Variants in ENO4 observed in about 807,000 individuals in gnomAD.
The protein encoded by ENO4 is enolase 4, also known as 2-phospho-D-glycerate hydro-lyase.
ENO4 carries 53 observed loss-of-function variants against 63.2 expected under a neutral mutation model. That is an observed-to-expected ratio of 0.84 (90% CI 0.67 to 1.05). The LOEUF is 1.05. Among genes scored for constraint, ENO4 ranks in the 50% least tolerant of loss-of-function variants. ENO4 has a pLI of 0.00. For missense variants in ENO4, 719 were observed against 772.0 expected, an observed-to-expected ratio of 0.93 and a Z score of 0.81; for synonymous variants, 266 against 283.8, an observed-to-expected ratio of 0.94 and a Z score of 0.63.
At chr10:116,855,378 A>C (rs1188035934) in intron 1 of ENO4, among the ~76,000 whole-genome samples, 1 of 151,952 alleles carries the variant, frequency 6.6e-6, no homozygotes, top group Non-Finnish European at 1.5e-5. Flanking sequence ...CATACACCAA[A>C]TTGCCCCACA....
chr10:116,879,493 T>A, intron 12 of ENO4, 135 bp downstream of exon 12: 1 of 676,808 alleles, frequency 1.5e-6, no homozygotes, highest in Non-Finnish European at 2.4e-6. Flanking sequence ...GATAGCTACC[T>A]TTTGCAAAGA....
Position 116,879,931 on chromosome 10 carries a change from T to G in ENO4, c.1668T>G (p.Thr556=). ...LGGLSRGERV[T]KYNRLLTIEE... ...GTCTTTCCCGTGGTGAACGAGTGAC[T>G]AAATACAACCGCCTTCTCACTATAG... Residue 556 remains threonine (T), a synonymous_variant, in exon 13 of 14, where the codon ACT becomes ACG. Coordinates refer to ENST00000341276, the MANE Select transcript of ENO4 (RefSeq NM_001242699.2). 1 of 1,550,844 alleles carries G rather than the reference T, an allele frequency of 6.4e-7. No individual in the cohort carries two copies. The highest frequency in any genetic ancestry group is 8.7e-7 in the Non-Finnish European group (1 of 1,147,048).
intron 9 of ENO4, among the ~76,000 whole-genome samples, chr10:116,873,271 T>A (rs999436773): frequency 2.1e-4 from 32 of 152,202 alleles, no homozygotes; most frequent in African/African-American, 7.2e-4. Context: ...TTAATTCCAA[T>A]GGAATCCATT....
At chr10:116,865,513 C>A (rs547904774) in intron 7 of ENO4, among the ~76,000 whole-genome samples, 1 of 152,288 alleles carries the variant, frequency 6.6e-6, no homozygotes, top group East Asian at 1.9e-4. Context: ...GACCTATTTT[C>A]CTGTATCATG....
At chr10:116,879,082 A>C (rs1846923369) in intron 11 of ENO4, among the ~76,000 whole-genome samples, 1 of 152,206 alleles carries the variant, frequency 6.6e-6, no homozygotes, top group Non-Finnish European at 1.5e-5. Flanking sequence ...GTATTCATTT[A>C]GTATTTACAG....
Position 116,901,662 on chromosome 10 carries a change from G to A in ENO4, c.1195-9837G>A, listed in dbSNP as rs1191088220. 3.1e-5 allele frequency: 42 copies of A among 1,354,618 alleles called. No individual in the cohort carries two copies. In the Middle Eastern group the frequency reaches 2.2e-3, roughly 73 times the overall value. The allele number at this position is 1,354,618 out of a possible 1,614,324, so 83.9% of individuals were successfully genotyped here. On this transcript the variant is annotated intron_variant, in intron 10 of 10. Transcript: ENST00000369207. ...GAAAAGAAGAAGAGAATTTACCGGCGAGCCAATCAAAATCTCTCTAAAGGA... is the reference window on the plus strand; with the variant it reads ...GAAAAGAAGAAGAGAATTTACCGGCAAGCCAATCAAAATCTCTCTAAAGGA...
intron 10 of ENO4, among the ~76,000 whole-genome samples, chr10:116,910,681 C>T (rs1458077100): frequency 6.6e-6 from 1 of 152,152 alleles, no homozygotes; most frequent in Non-Finnish European, 1.5e-5. Context: ...CATGAATTAG[C>T]ATTATAACAC....
At chr10:116,855,562 A>G in intron 1 of ENO4, 61 bp from the exon 2 acceptor site, 1 of 1,532,962 alleles carries the variant, frequency 6.5e-7, no homozygotes, top group East Asian at 2.4e-5. Context: ...TGGTATTGTG[A>G]CTTTTTTCCC....
chr10:116,876,932 C>A (rs553578579), intron 11 of ENO4, among the ~76,000 whole-genome samples: 2 of 152,042 alleles, frequency 1.3e-5, no homozygotes, highest in Admixed American at 1.3e-4. Context: ...GCCTGGGCGA[C>A]AGGGAGACTC....
intron 10 of ENO4, among the ~76,000 whole-genome samples, chr10:116,894,056 T>C (rs1847431627): frequency 6.6e-6 from 1 of 152,248 alleles, no homozygotes; most frequent in Non-Finnish European, 1.5e-5. Flanking sequence ...TCAATCTTAC[T>C]TTTAATTCAA....
At chr10:116,875,039 T>C (rs572370295) in intron 10 of ENO4, among the ~76,000 whole-genome samples, 1 of 152,280 alleles carries the variant, frequency 6.6e-6, no homozygotes, top group African/African-American at 2.4e-5. Flanking sequence ...ACTCATGCAT[T>C]TGACAAAGGC....
At chr10:116,882,818 C>T (rs1261214249), downstream of ENO4, 15 of 152,162 alleles carry the variant, frequency 9.9e-5, no homozygotes, top group Non-Finnish European at 2.2e-4. Flanking sequence ...TGGTTGGTAT[C>T]ACTCTAAGTT....
intron 7 of ENO4, among the ~76,000 whole-genome samples, chr10:116,867,744 A>C (rs762688130): frequency 4.6e-5 from 7 of 152,196 alleles, no homozygotes; most frequent in Non-Finnish European, 7.3e-5. Flanking sequence ...AAAGGGGAGA[A>C]AAACATACTT....
chr10:116,901,702 A>G (rs1847743786), intron 10 of ENO4: 1 of 1,423,686 alleles, frequency 7.0e-7, no homozygotes, highest in African/African-American at 1.5e-5. Flanking sequence ...AATCAAAGAA[A>G]CACACAAGTT....
Position 116,859,115 on chromosome 10 carries a change from C to T in ENO4, c.611C>T (p.Thr204Ile). The change falls in exon 4 of 14, where the codon ACC becomes ATC. Residue 204 changes from threonine (T) to isoleucine (I), a missense_variant. By Grantham distance (89) the Thr-to-Ile change is moderately conservative (BLOSUM62 -1). Coordinates refer to ENST00000341276, the MANE Select transcript of ENO4 (RefSeq NM_001242699.2). ...VPPPPPPPPP[T>I]KKKGQKPGRK... ...CCACCACCACCCCCTCCACCTCCTA[C>T]CAAAAAAAAGGGGCAAAAGCCAGGT... The T allele has an allele frequency of 6.6e-7, 1 of 1,507,272 alleles. No individual in the cohort carries two copies. The highest frequency in any genetic ancestry group is 8.8e-7 in the Non-Finnish European group (1 of 1,131,436). The allele number at this position is 1,507,272 out of a possible 1,614,324, so 93.4% of individuals were successfully genotyped here. A position where few individuals can be genotyped will look rare whatever the true frequency, so the allele number is the denominator to read the frequency against.
At chr10:116,902,514 G>C (rs1299849979) in intron 10 of ENO4, among the ~76,000 whole-genome samples, 1 of 152,160 alleles carries the variant, frequency 6.6e-6, no homozygotes, top group East Asian at 1.9e-4. Context: ...AAGTGGGAAA[G>C]AGTTTGGCTA....
downstream of ENO4, chr10:116,886,655 C>T (rs998526617): frequency 5.8e-6 from 9 of 1,548,844 alleles, no homozygotes; most frequent in East Asian, 1.1e-4. Flanking sequence ...TAACATAAAA[C>T]CCAAAATGTT....
chr10:116,906,522 T>C, intron 10 of ENO4: 4 of 1,186,558 alleles, frequency 3.4e-6, no homozygotes, highest in East Asian at 2.7e-5. Context: ...TAAAAACAAA[T>C]ATTTTAATAA....
At chr10:116,881,448 A>C in intron 13 of ENO4, 67 bp from the exon 14 acceptor site, 13 of 1,266,952 alleles carry the variant, frequency 1.0e-5, no homozygotes, top group Non-Finnish European at 1.4e-5. Context: ...ATCTCCTTCA[A>C]CTTATGTAGT....
Sources: gnomAD v4.1 joint callset for allele counts (sites outside exome capture counted in the v4.1 genomes callset) on GRCh38, gnomAD v4.1.1 for gene constraint, MANE v1.5 for transcripts, NCBI Gene and HGNC (gene_info 2026-07-23, HGNC 2026-07-21) for gene names.